Variants in DDX31 observed in about 807,000 individuals in gnomAD.
The protein encoded by DDX31 is ATP-dependent DNA helicase DDX31.
Under a neutral mutation model 91.3 loss-of-function variants are expected in DDX31, and 70 were observed. The ratio of observed to expected loss-of-function variants is 0.77; its 90% CI spans 0.63 to 0.94. The LOEUF (loss-of-function observed/expected upper bound fraction) is 0.94, where lower values mean the gene tolerates loss of function less well. DDX31 is among the 40% of genes least tolerant of loss of function. The probability of loss-of-function intolerance (pLI) is 0.00; values close to 1 mark genes in which losing one functional copy is unlikely to be tolerated. For synonymous variants in DDX31, 362 were observed against 350.6 expected (o/e 1.03, Z -0.36); for missense variants, 902 against 925.0 (o/e 0.98, Z 0.32).
intron 1 of DDX31, among the ~76,000 whole-genome samples, chr9:132,668,852 G>A (rs774680805): frequency 2.6e-5 from 4 of 152,244 alleles, no homozygotes; most frequent in Non-Finnish European, 4.4e-5. Context: ...ACAGGCGTGA[G>A]CCACCGCGCC....
intron 19 of DDX31, among the ~76,000 whole-genome samples, chr9:132,597,325 G>A (rs1307101732): frequency 2.6e-5 from 4 of 152,272 alleles, no homozygotes; most frequent in East Asian, 3.9e-4. Context: ...GCGGTTGGGC[G>A]CACTCAACTT....
intron 6 of DDX31, among the ~76,000 whole-genome samples, chr9:132,657,254 G>A (rs1381398301): frequency 6.6e-6 from 1 of 152,094 alleles, no homozygotes; most frequent in Non-Finnish European, 1.5e-5. Flanking sequence ...TATTCATTTT[G>A]AATGAATTCA....
intron 19 of DDX31, among the ~76,000 whole-genome samples, chr9:132,608,266 G>C (rs1021357929): frequency 5.3e-5 from 8 of 152,164 alleles, no homozygotes; most frequent in African/African-American, 1.7e-4. Context: ...TTGCGTGTAG[G>C]TGTCAGAAGA....
intron 1 of DDX31, among the ~76,000 whole-genome samples, chr9:132,664,712 C>A (rs918695920): frequency 5.9e-5 from 6 of 101,260 alleles, no homozygotes; most frequent in African/African-American, 2.0e-4. Flanking sequence ...GTAAGACCCT[C>A]GCTCAAAAAA....
intron 19 of DDX31, 38 bp downstream of exon 19, chr9:132,612,049 C>G: frequency 6.3e-7 from 1 of 1,599,612 alleles, no homozygotes; most frequent in Admixed American, 1.7e-5. Context: ...GAACGGAGCT[C>G]TCTAGCCCCG....
intron 6 of DDX31, among the ~76,000 whole-genome samples, chr9:132,655,902 T>G (rs754536147): frequency 6.6e-6 from 1 of 152,232 alleles, no homozygotes; most frequent in African/African-American, 2.4e-5. Flanking sequence ...CAGAGTTGTC[T>G]GTACTCAACA....
intron 1 of DDX31, chr9:132,663,327 G>A: frequency 1.6e-6 from 2 of 1,288,776 alleles, no homozygotes; most frequent in South Asian, 2.5e-5. Context: ...CATTCCAAAT[G>A]AGAATGCTGC....
chr9:132,595,429 G>C lies in DDX31; in HGVS notation c.1995-317C>G, dbSNP rs575811305. Among the ~76,000 whole-genome samples, 165 of 152,204 alleles carry C rather than the reference G, an allele frequency of 1.1e-3. 1 individual carries two copies. The highest frequency in any genetic ancestry group is 3.5e-3 in the African/African-American group (146 of 41,514). On this transcript the variant is annotated intron_variant, in intron 19 of 19. Transcript: ENST00000372159. The surrounding 1 kb of genome is among the most constrained non-coding windows in gnomAD (Gnocchi z 4.6). The stretch of plus-strand genomic sequence containing the variant: ...TGGCAAATGAGGTGTATGATACAGC[G>C]GTTTGCCAAAGGACAGGGAAAAACC...
At chr9:132,628,805 G>A (rs755048736) in intron 16 of DDX31, among the ~76,000 whole-genome samples, 13 of 152,230 alleles carry the variant, frequency 8.5e-5, no homozygotes, top group East Asian at 1.9e-4. Context: ...AGTGTGAAGC[G>A]ACTGACAGGC....
chr9:132,645,788 G>T, intron 13 of DDX31, 107 bp downstream of exon 13: 1 of 1,277,120 alleles, frequency 7.8e-7, no homozygotes, highest in South Asian at 1.5e-5. Context: ...GTGTGCAAGG[G>T]TCGTAGCCAT....
chr9:132,643,446 T>C (rs995806926), intron 13 of DDX31, among the ~76,000 whole-genome samples: 1 of 152,244 alleles, frequency 6.6e-6, no homozygotes, highest in Non-Finnish European at 1.5e-5. Context: ...CATGTCTTTC[T>C]GGTCTTTCCT....
chr9:132,639,792 A>T (rs1833370251), intron 14 of DDX31, among the ~76,000 whole-genome samples: 1 of 152,256 alleles, frequency 6.6e-6, no homozygotes. Context: ...TAAATCCAGC[A>T]TGTTATGGGT....
At chr9:132,630,911 G>A (rs1168328758) in intron 15 of DDX31, among the ~76,000 whole-genome samples, 2 of 152,206 alleles carry the variant, frequency 1.3e-5, no homozygotes, top group Non-Finnish European at 2.9e-5. Flanking sequence ...CCAGGAGCAG[G>A]CCCCAGGAGC....
At chr9:132,641,860 C>T in intron 14 of DDX31, 144 bp downstream of exon 14, 1 of 670,012 alleles carries the variant, frequency 1.5e-6, no homozygotes, top group Non-Finnish European at 2.5e-6. Flanking sequence ...GAAAGAGGTG[C>T]AAAGAGGCCA....
rs747952821 is a variant in DDX31, at chr9:132,669,947, T to C, written c.-13A>G. 30 of 1,586,270 alleles carry C rather than the reference T, an allele frequency of 1.9e-5. No homozygotes were observed. In the African/African-American group the frequency reaches 3.9e-4, roughly 21 times the overall value. The stretch of plus-strand genomic sequence containing the variant: ...CGGCGGCTGCCATGGTCTGCGTGGG[T>C]GACGCGTGGTGCAGCAGCGAGCCCG... On this transcript the variant is annotated 5_prime_UTR_variant, in exon 1 of 20. Transcript: ENST00000372159.
rs1483041030 is a variant in DDX31, at chr9:132,594,759, T to G, written c.*107A>C. 1.3e-6 allele frequency: 2 copies of G among 1,515,056 alleles called. No individual in the cohort carries two copies. Among genetic ancestry groups the G allele is most frequent in the South Asian group, 1.3e-5 (1 of 75,422 alleles). 93.9% of individuals were successfully genotyped at this position (1,515,056 alleles called of 1,614,324 possible). Reference sequence around the variant, plus strand: ...CCTCTGATTCTTGGGGACGTGGTATTCAGGCAAAGGCGCAGTTATTTTTCA... The same window carrying G: ...CCTCTGATTCTTGGGGACGTGGTATGCAGGCAAAGGCGCAGTTATTTTTCA... On this transcript the variant is annotated 3_prime_UTR_variant, in exon 20 of 20. Coordinates refer to ENST00000372159, the MANE Select transcript of DDX31 (RefSeq NM_022779.9).
At chr9:132,666,294 T>C (rs1180503371) in intron 1 of DDX31, among the ~76,000 whole-genome samples, 2 of 152,118 alleles carry the variant, frequency 1.3e-5, no homozygotes, top group Non-Finnish European at 2.9e-5. Flanking sequence ...TTGCACCTTA[T>C]TCCAGACTGT....
At chr9:132,608,857 A>G (rs1831170191) in intron 19 of DDX31, among the ~76,000 whole-genome samples, 1 of 152,206 alleles carries the variant, frequency 6.6e-6, no homozygotes, top group African/African-American at 2.4e-5. Context: ...AAAAAGCAGC[A>G]ACTGGCATTT....
intron 16 of DDX31, among the ~76,000 whole-genome samples, chr9:132,626,101 T>C (rs1167117735): frequency 7.2e-6 from 1 of 138,782 alleles, no homozygotes. Flanking sequence ...GATGATGAAA[T>C]AGAAGCATTT....
Sources: allele counts gnomAD v4.1 joint callset (sites outside exome capture counted in the v4.1 genomes callset), GRCh38; gene constraint gnomAD v4.1.1; non-coding constraint Gnocchi (gnomAD v3.1); transcripts MANE v1.5; gene names NCBI Gene and HGNC (gene_info 2026-07-23, HGNC 2026-07-21).